Variants in RABEPK observed in about 807,000 individuals in gnomAD.
RABEPK encodes Rab9 effector protein with kelch motifs.
Under a neutral mutation model 34.1 loss-of-function variants are expected in RABEPK, and 27 were observed. The ratio of observed to expected loss-of-function variants is 0.79; its 90% CI spans 0.58 to 1.09. The LOEUF is 1.09. Ranked by LOEUF, RABEPK falls within the 50% of genes least tolerant of loss-of-function variation. RABEPK has a pLI of 0.00. For synonymous variants in RABEPK, 172 were observed against 169.2 expected (o/e 1.02, Z -0.13); for missense variants, 449 against 462.6 (o/e 0.97, Z 0.27).
intron 1 of RABEPK, 59 bp downstream of exon 1, chr9:125,200,965 C>A: frequency 2.4e-6 from 1 of 412,366 alleles, no homozygotes; most frequent in Non-Finnish European, 5.0e-6. Context: ...TAGCCACTCC[C>A]CCACTTCTAC....
At chr9:125,220,473 C>G (rs1831245302) in intron 4 of RABEPK, 66 bp from the exon 5 acceptor site, 1 of 1,538,148 alleles carries the variant, frequency 6.5e-7, no homozygotes. Context: ...TTCACTCAGC[C>G]CCAGAGTCAA....
chr9:125,205,609 C>T (rs1195105692), intron 2 of RABEPK, among the ~76,000 whole-genome samples: 7 of 152,194 alleles, frequency 4.6e-5, no homozygotes, highest in Non-Finnish European at 1.0e-4. Context: ...CCTGCCTCAG[C>T]CTCCCAAGTA....
At chr9:125,205,860 T>G (rs1830193035) in intron 2 of RABEPK, among the ~76,000 whole-genome samples, 1 of 152,174 alleles carries the variant, frequency 6.6e-6, no homozygotes, top group African/African-American at 2.4e-5. Context: ...TGGCAACCAC[T>G]GATGAATATA....
rs565029859 is a variant in RABEPK at position 125,204,560 on chromosome 9, G to A, written c.53+1494G>A. Among the ~76,000 whole-genome samples, 4 of 152,300 alleles carry A rather than the reference G, an allele frequency of 2.6e-5. 1 individual carries two copies. The highest frequency in any genetic ancestry group is 9.6e-5 in the African/African-American group (4 of 41,584). ...GGTGCCACTGCACTCCAGCCTGGGC[G>A]CAACAGAGGGAGACTCCGTCTCAAA... On this transcript the variant is annotated intron_variant, in intron 2 of 7. Coordinates refer to ENST00000373538, the MANE Select transcript of RABEPK (RefSeq NM_005833.4).
In RABEPK at chr9:125,212,794, C is replaced by G. The variant is rs1448183201; in HGVS notation, c.212-576C>G. 6.6e-5 allele frequency among the ~76,000 whole-genome samples: 10 copies of G among 151,982 alleles called. 2 individuals carry two copies. In the South Asian group the frequency reaches 2.1e-3, roughly 32 times the overall value. ...AAGCGAGTCCCCTACCTCAGCCTCCCGAGTAGCTGGGACTACAGGCACGTG... is the reference window on the plus strand; with the variant it reads ...AAGCGAGTCCCCTACCTCAGCCTCCGGAGTAGCTGGGACTACAGGCACGTG... On this transcript the variant is annotated intron_variant, in intron 3 of 7. Coordinates refer to ENST00000373538, the MANE Select transcript of RABEPK (RefSeq NM_005833.4).
intron 5 of RABEPK, among the ~76,000 whole-genome samples, 175 bp from the exon 6 acceptor site, chr9:125,227,735 G>A (rs1831862922): frequency 6.6e-6 from 1 of 151,998 alleles, no homozygotes; most frequent in South Asian, 2.1e-4. Context: ...CAGCCTATAG[G>A]ATGTAAAAGG....
chr9:125,228,567 G>C (rs960910518), intron 6 of RABEPK, among the ~76,000 whole-genome samples: 2 of 151,664 alleles, frequency 1.3e-5, no homozygotes, highest in African/African-American at 4.8e-5. Context: ...CCTGAGTCAG[G>C]AGAATCGCTT....
At chr9:125,230,834 C>T (rs534474629) in intron 6 of RABEPK, among the ~76,000 whole-genome samples, 3 of 151,710 alleles carry the variant, frequency 2.0e-5, no homozygotes, top group South Asian at 2.1e-4. Flanking sequence ...TGCGCCCGGC[C>T]GACAGATGGA....
intron 5 of RABEPK, among the ~76,000 whole-genome samples, chr9:125,225,053 A>T (rs1250496399): frequency 6.6e-6 from 1 of 152,244 alleles, no homozygotes; most frequent in East Asian, 1.9e-4. Flanking sequence ...TAGGAGTTCC[A>T]GTCCAGCCTG....
rs557268795 is a variant in RABEPK at position 125,200,840 on chromosome 9, G to A, written c.-73G>A. 7.9e-5 allele frequency: 37 copies of A among 471,220 alleles called. No homozygotes were observed. The highest frequency in any genetic ancestry group is 6.0e-4 in the African/African-American group (30 of 50,238). 29.2% of individuals were successfully genotyped at this position (471,220 alleles called of 1,614,324 possible). On this transcript the variant is annotated 5_prime_UTR_variant, in exon 1 of 8. Coordinates refer to ENST00000373538, the MANE Select transcript of RABEPK (RefSeq NM_005833.4). ...AGCGGCGGCTGCTGCGGGAGGTCCCGCCCACGTGAAGCCAGCCTAACTGAG... is the reference window on the plus strand; with the variant it reads ...AGCGGCGGCTGCTGCGGGAGGTCCCACCCACGTGAAGCCAGCCTAACTGAG...
At chr9:125,216,352 C>G (rs1423139650) in intron 4 of RABEPK, among the ~76,000 whole-genome samples, 1 of 151,732 alleles carries the variant, frequency 6.6e-6, no homozygotes, top group Non-Finnish European at 1.5e-5. Context: ...CCTCTATCAA[C>G]AATATATTTG....
At chr9:125,233,281 T>G in intron 7 of RABEPK, among the ~76,000 whole-genome samples, 1 of 151,616 alleles carries the variant, frequency 6.6e-6, no homozygotes, top group East Asian at 1.9e-4. Context: ...AGAAATTTCA[T>G]TACTTTTTAA....
In RABEPK at chr9:125,213,398, C is replaced by T. The variant is rs755372957; in HGVS notation, c.240C>T (p.Cys80=). 1.2e-6 allele frequency: 2 copies of T among 1,613,434 alleles called. No individual in the cohort carries two copies. Among genetic ancestry groups the T allele is most frequent in the Non-Finnish European group, 1.7e-6 (2 of 1,179,840 alleles). The change falls in exon 4 of 8, where the codon TGC becomes TGT. Residue 80 remains cysteine, a synonymous_variant. Coordinates refer to ENST00000373538, the MANE Select transcript of RABEPK (RefSeq NM_005833.4). ...LGKHQWDLDT[C]KGLLPRYEHA... is the part of the protein sequence containing the mutation. ...AACACCAGTGGGACTTAGATACCTG[C>T]AAGGGCCTCTTGCCCCGGTATGAAC...
Position 125,233,867 on chromosome 9 carries a change from A to G in RABEPK, c.1006A>G (p.Ser336Gly). Reference sequence around the variant, plus strand: ...TTCAGCTGACAAAGTAATGAGCCACAGTGGTGACTCACATGAGGAAAGCCA... The same window carrying G: ...TTCAGCTGACAAAGTAATGAGCCACGGTGGTGACTCACATGAGGAAAGCCA... ...EDSADKVMSHSGDSHEESQTA... is the reference protein window; with the variant it reads ...EDSADKVMSHGGDSHEESQTA... Residue 336 changes from serine (S) to glycine (G), a missense_variant, in exon 8 of 8, where the codon AGT becomes GGT. Coordinates refer to ENST00000373538, the MANE Select transcript of RABEPK (RefSeq NM_005833.4). The G allele has an allele frequency of 6.2e-7, 1 of 1,614,000 alleles. No individual in the cohort carries two copies. Among genetic ancestry groups the G allele is most frequent in the Non-Finnish European group, 8.5e-7 (1 of 1,179,842 alleles).
At chr9:125,232,566 T>C (rs1435822626) in intron 6 of RABEPK, 30 bp from the exon 7 acceptor site, 2 of 1,597,802 alleles carry the variant, frequency 1.3e-6, no homozygotes, top group Non-Finnish European at 1.7e-6. Flanking sequence ...TAGCCCATGC[T>C]GCGCCAAAGC....
At chr9:125,218,212 C>G (rs551061616) in intron 4 of RABEPK, among the ~76,000 whole-genome samples, 1 of 149,766 alleles carries the variant, frequency 6.7e-6, no homozygotes, top group Non-Finnish European at 1.5e-5. Flanking sequence ...CCCAGCTGCT[C>G]GGGAGGCTGA....
At chr9:125,207,828 A>C in intron 3 of RABEPK, 107 bp downstream of exon 3, 6 of 1,394,228 alleles carry the variant, frequency 4.3e-6, no homozygotes, top group Non-Finnish European at 5.9e-6. Flanking sequence ...GTTTTCCTAT[A>C]AGAAAACATG....
chr9:125,214,753 C>T (rs1830811460), intron 4 of RABEPK, among the ~76,000 whole-genome samples: 1 of 148,174 alleles, frequency 6.7e-6, no homozygotes, highest in East Asian at 2.0e-4. Flanking sequence ...AAGTCATCCA[C>T]AATCCATTAT....
chr9:125,225,655 T>C (rs1463955696), intron 5 of RABEPK, among the ~76,000 whole-genome samples: 2 of 151,464 alleles, frequency 1.3e-5, no homozygotes, highest in South Asian at 4.2e-4. Context: ...AAACCCCGTC[T>C]CTACTAAAAA....
Sources: gnomAD v4.1 joint callset for allele counts (sites outside exome capture counted in the v4.1 genomes callset) on GRCh38, gnomAD v4.1.1 for gene constraint, MANE v1.5 for transcripts, NCBI Gene and HGNC (gene_info 2026-07-23, HGNC 2026-07-21) for gene names.